Variants in SLCO1B1 observed in about 807,000 individuals in gnomAD.
SLCO1B1 encodes OATP-2.
In SLCO1B1, 81 loss-of-function variants were observed where a neutral mutation model predicts 70.1. The observed-to-expected ratio is 1.16, with a 90% CI of 0.97 to 1.39. The LOEUF (loss-of-function observed/expected upper bound fraction) is 1.39, where lower values mean the gene tolerates loss of function less well. SLCO1B1 is among the 40% of genes most tolerant of loss of function. The pLI is 0.00. For synonymous variants in SLCO1B1, 283 were observed against 271.5 expected (o/e 1.04, Z -0.42); for missense variants, 895 against 799.6 (o/e 1.12, Z -1.44).
At chr12:21,229,779 C>T (rs923137124) in intron 14 of SLCO1B1, among the ~76,000 whole-genome samples, 1 of 152,124 alleles carries the variant, frequency 6.6e-6, no homozygotes, top group Non-Finnish European at 1.5e-5. Context: ...TTATTTTAAA[C>T]TTTCTACTTA....
chr12:21,164,715 T>C, intron 2 of SLCO1B1: 1 of 435,884 alleles, frequency 2.3e-6, no homozygotes, highest in Admixed American at 2.7e-5. Flanking sequence ...ATGTGCTTCC[T>C]ATTTTGTTTT....
chr12:21,211,207 T>A (rs986322609), intron 11 of SLCO1B1, among the ~76,000 whole-genome samples: 11 of 152,168 alleles, frequency 7.2e-5, no homozygotes, highest in Non-Finnish European at 1.5e-4. Flanking sequence ...TTGTCATAGA[T>A]AGCTCTTATT....
chr12:21,145,036 T>C (rs1940362726), intron 2 of SLCO1B1, among the ~76,000 whole-genome samples: 1 of 152,126 alleles, frequency 6.6e-6, no homozygotes, highest in Non-Finnish European at 1.5e-5. Flanking sequence ...AACAACACTA[T>C]GACAGAATCA....
At chr12:21,149,877 C>A (rs1376757333) in intron 2 of SLCO1B1, among the ~76,000 whole-genome samples, 1 of 152,112 alleles carries the variant, frequency 6.6e-6, no homozygotes, top group Non-Finnish European at 1.5e-5. Flanking sequence ...GGAAAAGGGG[C>A]TGAAGCTAGG....
intron 4 of SLCO1B1, among the ~76,000 whole-genome samples, chr12:21,175,852 T>C (rs1347701082): frequency 6.6e-6 from 1 of 152,116 alleles, no homozygotes; most frequent in Non-Finnish European, 1.5e-5. Context: ...AAGGCAAGTA[T>C]CACAGCTTCA....
At chr12:21,144,059 C>G (rs1940349667) in intron 2 of SLCO1B1, among the ~76,000 whole-genome samples, 1 of 152,034 alleles carries the variant, frequency 6.6e-6, no homozygotes, top group Admixed American at 6.6e-5. Context: ...ACTGAACTAA[C>G]TACATTACAT....
chr12:21,153,904 T>C (rs1940505748), intron 2 of SLCO1B1, among the ~76,000 whole-genome samples: 2 of 152,016 alleles, frequency 1.3e-5, no homozygotes. Context: ...ATCATTTTAC[T>C]ATCACGAAGA....
chr12:21,169,232 T>C (rs1940729687), intron 2 of SLCO1B1, among the ~76,000 whole-genome samples: 1 of 152,114 alleles, frequency 6.6e-6, no homozygotes, highest in Non-Finnish European at 1.5e-5. Context: ...GTTTTTTAGA[T>C]TTATCTTATT....
intron 12 of SLCO1B1, among the ~76,000 whole-genome samples, chr12:21,220,222 G>C (rs1941407511): frequency 6.6e-6 from 1 of 152,108 alleles, no homozygotes; most frequent in Admixed American, 6.5e-5. Flanking sequence ...GGGTAGATTG[G>C]GAAAGTGAAA....
At chr12:21,183,017 T>G (rs1565675548) in intron 7 of SLCO1B1, among the ~76,000 whole-genome samples, 1 of 152,102 alleles carries the variant, frequency 6.6e-6, no homozygotes, top group South Asian at 2.1e-4. Context: ...AGCGGGAGAT[T>G]GGGGGGGTGT....
At chr12:21,152,608 C>T (rs890182624) in intron 2 of SLCO1B1, among the ~76,000 whole-genome samples, 8 of 80,420 alleles carry the variant, frequency 9.9e-5, no homozygotes, top group African/African-American at 3.4e-4. Flanking sequence ...CCTTCTTGGT[C>T]AGAATGGGTT....
At chr12:21,230,249 A>G (rs769005484) in intron 14 of SLCO1B1, among the ~76,000 whole-genome samples, 2 of 150,740 alleles carry the variant, frequency 1.3e-5, no homozygotes, top group Admixed American at 6.6e-5. Context: ...ATATTTATAC[A>G]TTGTTGGATT....
intron 2 of SLCO1B1, among the ~76,000 whole-genome samples, chr12:21,165,155 A>G (rs1940668678): frequency 6.6e-6 from 1 of 152,192 alleles, no homozygotes; most frequent in African/African-American, 2.4e-5. Context: ...CTATTGCCAT[A>G]ATAAATTAAT....
chr12:21,199,013 G>A (rs12302293), intron 8 of SLCO1B1, among the ~76,000 whole-genome samples: 1,540 of 152,164 alleles, frequency 0.01, 36 homozygotes, highest in South Asian at 0.039. Flanking sequence ...GAGACCTGTG[G>A]AGAGAAATGT....
intron 2 of SLCO1B1, 54 bp downstream of exon 2, chr12:21,141,712 G>T: frequency 1.9e-6 from 2 of 1,067,188 alleles, no homozygotes; most frequent in East Asian, 2.4e-5. Context: ...GAACTTTAAT[G>T]TATAGAAAAG....
chr12:21,202,581 A>C lies in SLCO1B1; in HGVS notation c.1226A>C (p.Lys409Thr). Residue 409 changes from lysine to threonine, a missense_variant, in exon 10 of 15, where the codon AAA (lysine) becomes ACA (threonine). By Grantham distance (78) the Lys-to-Thr change is moderately conservative. Transcript: ENST00000256958. ...AAACTGAACACCGTTGGAATTGCCA[A>C]ATTCTCATGTTTTACTGCTGTGATG... ...KFKLNTVGIAKFSCFTAVMSL... is the reference protein window; with the variant it reads ...KFKLNTVGIATFSCFTAVMSL... 1 of 1,612,616 alleles carries C rather than the reference A, an allele frequency of 6.2e-7. No individual in the cohort carries two copies. Among genetic ancestry groups the C allele is most frequent in the South Asian group, 1.1e-5 (1 of 91,008 alleles).
intron 1 of SLCO1B1, among the ~76,000 whole-genome samples, chr12:21,133,739 T>A (rs575157655): frequency 1.3e-5 from 2 of 152,138 alleles, no homozygotes; most frequent in African/African-American, 4.8e-5. Flanking sequence ...TGGGCTGAGA[T>A]GATGGGGTTT....
chr12:21,190,765 A>G (rs1209546066), intron 7 of SLCO1B1, among the ~76,000 whole-genome samples: 1 of 152,058 alleles, frequency 6.6e-6, no homozygotes, highest in African/African-American at 2.4e-5. Context: ...GTGAGAACAT[A>G]CAGTATTTGG....
At chr12:21,214,352 G>A (rs1332917181) in intron 11 of SLCO1B1, among the ~76,000 whole-genome samples, 4 of 149,366 alleles carry the variant, frequency 2.7e-5, no homozygotes, top group South Asian at 2.1e-4. Flanking sequence ...CTGCTGGGGC[G>A]TGCCTCCCAG....
Sources: allele counts gnomAD v4.1 joint callset (sites outside exome capture counted in the v4.1 genomes callset), GRCh38; gene constraint gnomAD v4.1.1; transcripts MANE v1.5; gene names NCBI Gene and HGNC (gene_info 2026-07-23, HGNC 2026-07-21).